Variants in DENND2A observed in about 807,000 individuals in gnomAD.
The protein encoded by DENND2A is DENN domain-containing protein 2A.
A neutral mutation model predicts 105.3 loss-of-function variants in DENND2A; 53 were observed. The observed-to-expected ratio is 0.50, with a 90% CI of 0.40 to 0.63. The LOEUF (loss-of-function observed/expected upper bound fraction) is 0.63, where lower values mean the gene tolerates loss of function less well. DENND2A is among the 30% of genes least tolerant of loss of function. DENND2A has a pLI of 0.00. For synonymous variants in DENND2A, 522 were observed against 508.4 expected (o/e 1.03, Z -0.36); for missense variants, 1,138 against 1,279.6 (o/e 0.89, Z 1.69).
At chr7:140,589,835 C>T (rs1389000567) in intron 3 of DENND2A, among the ~76,000 whole-genome samples, 1 of 152,100 alleles carries the variant, frequency 6.6e-6, no homozygotes, top group Non-Finnish European at 1.5e-5. Context: ...TGCTTTGCTG[C>T]CCAGGCTGGT....
Position 140,640,153 on chromosome 7 carries a change from G to A in DENND2A, c.-248+351C>T. The A allele has an allele frequency of 6.6e-6, 1 of 152,552 alleles. No individual in the cohort carries two copies. Among genetic ancestry groups the A allele is most frequent in the Non-Finnish European group, 1.5e-5 (1 of 68,576 alleles). 9.4% of individuals were successfully genotyped at this position (152,552 alleles called of 1,614,324 possible). ...CACTCACACACAGACACACAAGCGC[G>A]CACACACACACACGCGCGCGCGCGG... On this transcript the variant is annotated intron_variant, in intron 1 of 19. Coordinates refer to ENST00000496613, the MANE Select transcript of DENND2A (RefSeq NM_015689.5). The surrounding 1 kb of genome is among the most constrained non-coding windows in gnomAD (Gnocchi z 4.9).
chr7:140,619,172 T>G (rs1478669711), intron 1 of DENND2A, among the ~76,000 whole-genome samples: 1 of 152,200 alleles, frequency 6.6e-6, no homozygotes. Flanking sequence ...TGCATAAATA[T>G]TCATAGCTGT....
rs374621400 is a variant in DENND2A at position 140,559,846 on chromosome 7, G to A, written c.1780-29C>T. 57 of 1,537,390 alleles carry A rather than the reference G, an allele frequency of 3.7e-5. No individual in the cohort carries two copies. The highest frequency in any genetic ancestry group is 3.7e-4 in the African/African-American group (27 of 73,366). ...CAGGGAGAAAGGTGAGAGAAAATTC[G>A]AGAACAAATCTCAGCATGGGAAATT... On this transcript the variant is annotated intron_variant, in intron 9 of 19. Transcript: ENST00000496613. This position sits in a 1 kb window ranked among gnomAD's most constrained non-coding sequence, Gnocchi z 4.1.
chr7:140,616,403 A>G (rs1800087615), intron 1 of DENND2A, among the ~76,000 whole-genome samples: 1 of 152,106 alleles, frequency 6.6e-6, no homozygotes, highest in African/African-American at 2.4e-5. Flanking sequence ...AGAGACAGAA[A>G]GTAGATTAGT....
At chr7:140,618,276 A>T (rs568276049) in intron 1 of DENND2A, among the ~76,000 whole-genome samples, 1 of 152,242 alleles carries the variant, frequency 6.6e-6, no homozygotes, top group Non-Finnish European at 1.5e-5. Context: ...TTTTTTGAAT[A>T]AAAAAGTACA....
rs756107778 is a variant in DENND2A, at chr7:140,573,911, G to A, written c.1343C>T (p.Ser448Phe). 2.5e-6 allele frequency: 4 copies of A among 1,614,160 alleles called. No individual in the cohort carries two copies. In the Admixed American group the frequency reaches 6.7e-5, roughly 27 times the overall value. ...TRKLSRDGTG[S>F]PSKISPPSTP... is the part of the protein sequence containing the mutation. ...GGAGGGAGGGCTGATTTTGGAAGGG[G>A]ACCCAGTTCCATCCCGACTCAGCTT... Residue 448 changes from serine (S) to phenylalanine (F), a missense_variant, in exon 6 of 20, where the codon TCC (serine) becomes TTC (phenylalanine). This residue lies in a region of DENND2A where 627 missense variants were observed against 779.8 expected (regional missense o/e 0.80). Coordinates refer to ENST00000496613, the MANE Select transcript of DENND2A (RefSeq NM_015689.5).
chr7:140,528,743 A>C (rs569724079), intron 14 of DENND2A, among the ~76,000 whole-genome samples: 9 of 141,426 alleles, frequency 6.4e-5, no homozygotes, highest in Non-Finnish European at 1.1e-4. Context: ...CTGGGCAACA[A>C]GAATGAAACT....
At chr7:140,596,477 G>A (rs892868763) in intron 3 of DENND2A, among the ~76,000 whole-genome samples, 1 of 152,212 alleles carries the variant, frequency 6.6e-6, no homozygotes, top group African/African-American at 2.4e-5. Context: ...AAACCTGTGA[G>A]AGCCGAGGGT....
chr7:140,640,554 C>A lies in DENND2A; in HGVS notation c.-298G>T. On this transcript the variant is annotated 5_prime_UTR_variant, in exon 1 of 20. An upstream open reading frame in the 5' UTR gains an earlier in-frame stop. Coordinates refer to ENST00000496613, the MANE Select transcript of DENND2A (RefSeq NM_015689.5). This position sits in a 1 kb window ranked among gnomAD's most constrained non-coding sequence, Gnocchi z 4.9. ...GCTCTGGGGCGCATCTTGGGGGCTCCGGGGCGGGCCGGGACGGCTGGCGGC... is the reference window on the plus strand; with the variant it reads ...GCTCTGGGGCGCATCTTGGGGGCTCAGGGGCGGGCCGGGACGGCTGGCGGC... 1 of 150,318 alleles carries A rather than the reference C, an allele frequency of 6.7e-6. No individual in the cohort carries two copies. Among genetic ancestry groups the A allele is most frequent in the South Asian group, 1.9e-4 (1 of 5,204 alleles). 9.3% of individuals were successfully genotyped at this position (150,318 alleles called of 1,614,324 possible).
chr7:140,631,366 T>C (rs1800727389), intron 1 of DENND2A, among the ~76,000 whole-genome samples: 2 of 152,106 alleles, frequency 1.3e-5, no homozygotes, highest in South Asian at 2.1e-4. Flanking sequence ...CTCGGGGTTG[T>C]GTGTGTACCC....
rs758937926 is a variant in DENND2A at position 140,601,383 on chromosome 7, C to T, written c.995+20G>A. 5.2e-6 allele frequency: 8 copies of T among 1,552,496 alleles called. No homozygotes were observed. Among genetic ancestry groups the T allele is most frequent in the African/African-American group, 1.4e-5 (1 of 73,032 alleles). ...AGAGAGTCAGGTGGCGACACTCTGC[C>T]TGGCCACACCGGCACCTACCTGTGG... On this transcript the variant is annotated intron_variant, in intron 3 of 19. Coordinates refer to ENST00000496613, the MANE Select transcript of DENND2A (RefSeq NM_015689.5).
intron 5 of DENND2A, among the ~76,000 whole-genome samples, chr7:140,574,239 G>A (rs1798210630): frequency 6.6e-6 from 1 of 151,926 alleles, no homozygotes; most frequent in African/African-American, 2.4e-5. Flanking sequence ...TTTTTTTTGA[G>A]ATGGAATCTT....
chr7:140,556,737 CA>C (rs1373904287), intron 11 of DENND2A, among the ~76,000 whole-genome samples: 1 of 152,114 alleles, frequency 6.6e-6, no homozygotes, highest in Non-Finnish European at 1.5e-5. Flanking sequence ...CTGATTAATT[CA>C]AAAAATGTTT....
chr7:140,623,311 T>C (rs1362660008), intron 1 of DENND2A, among the ~76,000 whole-genome samples: 2 of 112,306 alleles, frequency 1.8e-5, no homozygotes, highest in Non-Finnish European at 3.4e-5. Flanking sequence ...CGAGGCTCTA[T>C]CTCCAAAAAA....
chr7:140,520,305 G>T (rs7803826), intron 18 of DENND2A, among the ~76,000 whole-genome samples: 68,149 of 147,194 alleles, frequency 0.46, 15,997 homozygotes, highest in African/African-American at 0.53. Context: ...AAACTCCGTC[G>T]CAAAAAAAAA....
rs765381926 is a variant in DENND2A, at chr7:140,601,593, G to A, written c.805C>T (p.Pro269Ser). 1.4e-5 allele frequency: 23 copies of A among 1,613,982 alleles called. No individual in the cohort carries two copies. In the East Asian group the frequency reaches 5.1e-4, roughly 36 times the overall value. ...TKPFINPLPK[P>S]RRTFKHAGEG... is the part of the protein sequence containing the mutation. Reference sequence around the variant, plus strand: ...CCGGCATGTTTGAACGTTCTCCGGGGTTTTGGCAGAGGGTTGATGAAGGGC... The same window carrying A: ...CCGGCATGTTTGAACGTTCTCCGGGATTTTGGCAGAGGGTTGATGAAGGGC... Residue 269 changes from proline (P) to serine (S), a missense_variant, in exon 3 of 20, where the codon CCC (proline) becomes TCC (serine). Physicochemically the swap from Pro to Ser is moderately conservative, Grantham distance 74. This residue lies in a region of DENND2A where 511 missense variants were observed against 499.9 expected (regional missense o/e 1.02). Transcript: ENST00000496613.
intron 5 of DENND2A, among the ~76,000 whole-genome samples, chr7:140,576,806 AG>A (rs1798318549): frequency 6.6e-6 from 1 of 152,190 alleles, no homozygotes; most frequent in African/African-American, 2.4e-5. Flanking sequence ...AAGAAGGAAG[AG>A]GGGCAAGCCT....
chr7:140,573,915 C>G lies in DENND2A; in HGVS notation c.1339G>C (p.Gly447Arg), dbSNP rs1411756203. ...DTRKLSRDGT[G>R]SPSKISPPST... ...GGAGGGCTGATTTTGGAAGGGGACCCAGTTCCATCCCGACTCAGCTTCCTA... is the reference window on the plus strand; with the variant it reads ...GGAGGGCTGATTTTGGAAGGGGACCGAGTTCCATCCCGACTCAGCTTCCTA... The change falls in exon 6 of 20, where the codon GGG becomes CGG. Residue 447 changes from glycine (G) to arginine (R), a missense_variant. By Grantham distance (125) the Gly-to-Arg change is moderately radical. This residue lies in a region of DENND2A where 627 missense variants were observed against 779.8 expected (regional missense o/e 0.80). Transcript: ENST00000496613. 2 of 1,614,154 alleles carry G rather than the reference C, an allele frequency of 1.2e-6. No homozygotes were observed. Among genetic ancestry groups the G allele is most frequent in the Non-Finnish European group, 1.7e-6 (2 of 1,180,030 alleles).
intron 12 of DENND2A, among the ~76,000 whole-genome samples, chr7:140,551,022 C>T (rs943497534): frequency 2.6e-5 from 4 of 151,562 alleles, no homozygotes; most frequent in Non-Finnish European, 5.9e-5. Flanking sequence ...AGCTTGTGGC[C>T]GGGCACAGTG....
Sources: gnomAD v4.1 joint callset for allele counts (sites outside exome capture counted in the v4.1 genomes callset) on GRCh38, gnomAD v4.1.1 for gene constraint, gnomAD v4.1.1 regional missense constraint, Gnocchi (gnomAD v3.1) non-coding constraint, MANE v1.5 for transcripts, NCBI Gene and HGNC (gene_info 2026-07-23, HGNC 2026-07-21) for gene names.